Variants in TTLL11 observed in about 807,000 individuals in gnomAD.
The protein encoded by TTLL11 is tubulin polyglutamylase TTLL11.
A neutral mutation model predicts 51.7 loss-of-function variants in TTLL11; 42 were observed. That is an observed-to-expected ratio of 0.81 (90% CI 0.64 to 1.05). The LOEUF (loss-of-function observed/expected upper bound fraction) is 1.05, where lower values mean the gene tolerates loss of function less well. TTLL11 is among the 50% of genes least tolerant of loss of function. The pLI is 0.00. For missense variants in TTLL11, 799 were observed against 940.4 expected (o/e 0.85, Z 1.97); for synonymous variants, 381 against 383.5 (o/e 0.99, Z 0.08).
chr9:121,859,060 G>A lies in TTLL11; in HGVS notation c.1840+1277C>T, dbSNP rs142522099. On this transcript the variant is annotated intron_variant, in intron 8 of 8. Transcript: ENST00000321582. ...GTGTCACCTGAGCTGCAGTTTACTCGTCTGTGAAATGAGACTCATAATGCC... is the reference window on the plus strand; with the variant it reads ...GTGTCACCTGAGCTGCAGTTTACTCATCTGTGAAATGAGACTCATAATGCC... Among the ~76,000 whole-genome samples the A allele has an allele frequency of 2.0e-4, 30 of 152,308 alleles. No individual in the cohort carries two copies. The East Asian group carries it at 4.4e-3, about 23-fold the overall frequency.
chr9:122,011,108 A>C (rs1330204090), intron 3 of TTLL11, among the ~76,000 whole-genome samples: 1 of 152,224 alleles, frequency 6.6e-6, no homozygotes, highest in Non-Finnish European at 1.5e-5. Flanking sequence ...AATAAGTCTT[A>C]TCAGAGCTGA....
At chr9:121,976,657 T>G (rs1842720315) in intron 4 of TTLL11, among the ~76,000 whole-genome samples, 1 of 152,228 alleles carries the variant, frequency 6.6e-6, no homozygotes, top group South Asian at 2.1e-4. Flanking sequence ...ATTATTAAAC[T>G]GTAGCTCCAT....
At chr9:121,938,314 A>G (rs1452404901) in intron 6 of TTLL11, among the ~76,000 whole-genome samples, 1 of 151,246 alleles carries the variant, frequency 6.6e-6, no homozygotes, top group Admixed American at 6.6e-5. Context: ...AAAATCAGGA[A>G]TATGACAAGC....
In TTLL11 at chr9:122,072,297, C is replaced by G. The variant is rs552467786; in HGVS notation, c.462+20390G>C. 2.0e-5 allele frequency among the ~76,000 whole-genome samples: 3 copies of G among 152,310 alleles called. No homozygotes were observed. In the East Asian group the frequency reaches 5.8e-4, roughly 29 times the overall value. On this transcript the variant is annotated intron_variant, in intron 1 of 8. Transcript: ENST00000321582. ...TATGACTTGGCTCCTGCATACCTCT[C>G]TGATCCATTCCCTTCACTCTCCTCC...
At chr9:121,983,346 T>C (rs1842866987) in intron 4 of TTLL11, among the ~76,000 whole-genome samples, 1 of 151,972 alleles carries the variant, frequency 6.6e-6, no homozygotes, top group Non-Finnish European at 1.5e-5. Context: ...AAGTAGAAAA[T>C]TAAAGTGGGC....
intron 1 of TTLL11, among the ~76,000 whole-genome samples, chr9:122,055,111 A>G (rs1845256177): frequency 6.6e-6 from 1 of 152,132 alleles, no homozygotes; most frequent in Admixed American, 6.5e-5. Flanking sequence ...ATGCTCAGAA[A>G]TTCCACACAC....
intron 1 of TTLL11, among the ~76,000 whole-genome samples, chr9:122,071,879 G>A (rs2131895377): frequency 6.6e-6 from 1 of 152,304 alleles, no homozygotes; most frequent in East Asian, 1.9e-4. Flanking sequence ...TCACTTCAGT[G>A]CTTACTGGAC....
At chr9:121,900,915 C>T (rs1328967799) in intron 6 of TTLL11, among the ~76,000 whole-genome samples, 1 of 152,068 alleles carries the variant, frequency 6.6e-6, no homozygotes, top group Admixed American at 6.6e-5. Flanking sequence ...CTCAAGTGGT[C>T]CTCCCGCCTC....
At chr9:121,889,577 T>C (rs1267504857) in intron 6 of TTLL11, among the ~76,000 whole-genome samples, 1 of 152,114 alleles carries the variant, frequency 6.6e-6, no homozygotes, top group African/African-American at 2.4e-5. Flanking sequence ...TTTCTGACTC[T>C]ATGAATTTGA....
At chr9:121,975,334 G>C (rs1466801792) in intron 4 of TTLL11, among the ~76,000 whole-genome samples, 1 of 152,060 alleles carries the variant, frequency 6.6e-6, no homozygotes, top group Non-Finnish European at 1.5e-5. Context: ...TTACTAAGTG[G>C]CTTCTTAGCT....
At position 121,989,785 on chromosome 9, in the gene TTLL11, A is replaced by T. The variant is rs1266666139; in HGVS notation, c.694-15T>A. ...ACCATTTGAACCTGGAGGGGGAAAA[A>T]AGGATGGCCGACATTATATTGTTTT... On this transcript the variant is annotated splice_polypyrimidine_tract_variant and intron_variant, in intron 3 of 8. Transcript: ENST00000321582. The surrounding 1 kb of genome is among the most constrained non-coding windows in gnomAD (Gnocchi z 4.2). 6.3e-7 allele frequency: 1 copy of T among 1,575,470 alleles called. No individual in the cohort carries two copies. Among genetic ancestry groups the T allele is most frequent in the Non-Finnish European group, 8.6e-7 (1 of 1,160,614 alleles).
intron 1 of TTLL11, among the ~76,000 whole-genome samples, chr9:122,056,485 A>G (rs1381707796): frequency 6.6e-6 from 1 of 152,180 alleles, no homozygotes; most frequent in Non-Finnish European, 1.5e-5. Flanking sequence ...TGGTTTATTT[A>G]ACCCTCTGGT....
chr9:122,048,846 C>A (rs1845084453), intron 1 of TTLL11, among the ~76,000 whole-genome samples: 1 of 152,162 alleles, frequency 6.6e-6, no homozygotes, highest in Admixed American at 6.5e-5. Context: ...GGCCATTCTG[C>A]AACATCTTGT....
intron 1 of TTLL11, among the ~76,000 whole-genome samples, chr9:122,059,687 C>T (rs1329828881): frequency 6.6e-6 from 1 of 152,190 alleles, no homozygotes; most frequent in Non-Finnish European, 1.5e-5. Flanking sequence ...CTGAAGACAA[C>T]ACCTATTTAT....
intron 6 of TTLL11, among the ~76,000 whole-genome samples, chr9:121,942,406 T>C (rs1301124386): frequency 6.6e-6 from 1 of 152,196 alleles, no homozygotes; most frequent in African/African-American, 2.4e-5. Context: ...TGTTGACTTA[T>C]TTGCTCACTT....
At chr9:121,860,685 C>A (rs778430239) in intron 7 of TTLL11, among the ~76,000 whole-genome samples, 26 of 152,218 alleles carry the variant, frequency 1.7e-4, no homozygotes, top group Middle Eastern at 3.2e-3. Context: ...CCTGCCTCCT[C>A]TCTACTCTCC....
At chr9:121,950,538 TAG>T (rs1841820447) in intron 6 of TTLL11, among the ~76,000 whole-genome samples, 2 of 152,152 alleles carry the variant, frequency 1.3e-5, no homozygotes, top group Admixed American at 1.3e-4. Flanking sequence ...CAGAACAAGG[TAG>T]AGTCTGACCT....
chr9:121,834,206 C>A (rs947774859), intron 8 of TTLL11, among the ~76,000 whole-genome samples: 5 of 152,214 alleles, frequency 3.3e-5, no homozygotes, highest in Non-Finnish European at 7.3e-5. Context: ...GGGCATCTTG[C>A]AGCCCAGCTC....
At chr9:121,918,702 C>T (rs1840426150) in intron 6 of TTLL11, among the ~76,000 whole-genome samples, 1 of 152,224 alleles carries the variant, frequency 6.6e-6, no homozygotes, top group South Asian at 2.1e-4. Flanking sequence ...AATAACCAAA[C>T]ACTGGAAATA....
Sources: gnomAD v4.1 joint callset for allele counts (sites outside exome capture counted in the v4.1 genomes callset) on GRCh38, gnomAD v4.1.1 for gene constraint, Gnocchi (gnomAD v3.1) non-coding constraint, MANE v1.5 for transcripts, NCBI Gene and HGNC (gene_info 2026-07-23, HGNC 2026-07-21) for gene names.